CCDC170: variants seen among roughly 807,000 people sequenced by gnomAD.
The protein encoded by CCDC170 is coiled-coil domain-containing protein 170.
In CCDC170, 69 loss-of-function variants were observed where a neutral mutation model predicts 72.6. That is an observed-to-expected ratio of 0.95 (90% confidence interval 0.78 to 1.16). The LOEUF (loss-of-function observed/expected upper bound fraction) is 1.16, where lower values mean the gene tolerates loss of function less well. Ranked by LOEUF, CCDC170 falls within the 50% of genes most tolerant of loss-of-function variation. CCDC170 has a pLI of 0.00. For missense variants in CCDC170, 852 were observed against 832.5 expected, an observed-to-expected ratio of 1.02 and a Z score of -0.29; for synonymous variants, 300 against 303.9, an observed-to-expected ratio of 0.99 and a Z score of 0.13.
chr6:151,587,329 G>A (rs1776468194), intron 7 of CCDC170, among the ~76,000 whole-genome samples: 1 of 152,092 alleles, frequency 6.6e-6, no homozygotes, highest in East Asian at 1.9e-4. Flanking sequence ...AGAGGAAGGG[G>A]AGCGACCTTC....
chr6:151,556,848 T>C (rs1253918050), intron 5 of CCDC170, among the ~76,000 whole-genome samples: 2 of 152,226 alleles, frequency 1.3e-5, no homozygotes, highest in African/African-American at 2.4e-5. Context: ...ACTGTATGCT[T>C]GTATCCATTA....
intron 1 of CCDC170, among the ~76,000 whole-genome samples, chr6:151,518,973 A>G (rs185022045): frequency 9.7e-4 from 148 of 152,360 alleles, no homozygotes; most frequent in African/African-American, 3.4e-3. Context: ...TCACAAGGCA[A>G]AGGGCGAAAT....
chr6:151,599,665 T>G (rs900518423), intron 9 of CCDC170, among the ~76,000 whole-genome samples: 1 of 151,626 alleles, frequency 6.6e-6, no homozygotes, highest in African/African-American at 2.4e-5. Context: ...GAGAGAGAGA[T>G]AGAGAGAGAG....
chr6:151,579,064 C>CT (rs1399059450), intron 6 of CCDC170, among the ~76,000 whole-genome samples: 2 of 151,904 alleles, frequency 1.3e-5, no homozygotes, highest in African/African-American at 4.8e-5. Context: ...AAAAAAATAT[C>CT]TTTTTTGTTT....
intron 7 of CCDC170, among the ~76,000 whole-genome samples, chr6:151,590,053 AC>A (rs1299983677): frequency 1.3e-5 from 2 of 151,352 alleles, no homozygotes; most frequent in Non-Finnish European, 2.9e-5. Context: ...TACCTCCTTC[AC>A]CTGGCAGCAG....
At chr6:151,614,641 T>G (rs192366620) in intron 9 of CCDC170, among the ~76,000 whole-genome samples, 2,256 of 151,632 alleles carry the variant, frequency 0.015, 32 homozygotes, top group Non-Finnish European at 0.023. Context: ...TTTTTTTTTT[T>G]TTTTTGTTAG....
intron 1 of CCDC170, among the ~76,000 whole-genome samples, chr6:151,513,924 A>AC (rs1348827804): frequency 1.4e-5 from 2 of 146,112 alleles, no homozygotes; most frequent in African/African-American, 5.3e-5. Flanking sequence ...TGTCTCAAAA[A>AC]AAAAAAAAAA....
At chr6:151,553,194 C>T (rs1782913554) in intron 5 of CCDC170, among the ~76,000 whole-genome samples, 1 of 152,092 alleles carries the variant, frequency 6.6e-6, no homozygotes, top group Non-Finnish European at 1.5e-5. Context: ...TTACCATTAG[C>T]CCAGTCATTG....
intron 1 of CCDC170, among the ~76,000 whole-genome samples, chr6:151,495,861 C>T (rs1781901860): frequency 6.6e-6 from 1 of 152,096 alleles, no homozygotes; most frequent in Admixed American, 6.5e-5. Context: ...CATTCTCTAA[C>T]GAACATACAA....
intron 4 of CCDC170, 107 bp downstream of exon 4, chr6:151,544,823 G>C: frequency 9.7e-7 from 1 of 1,035,286 alleles, no homozygotes; most frequent in Non-Finnish European, 1.4e-6. Context: ...GAATGGCACA[G>C]TAGACCAAGT....
At chr6:151,540,627 T>C (rs914652076) in intron 3 of CCDC170, among the ~76,000 whole-genome samples, 2 of 151,882 alleles carry the variant, frequency 1.3e-5, no homozygotes, top group Non-Finnish European at 2.9e-5. Context: ...CTTCAAGTGA[T>C]CTGTCTGCCT....
intron 9 of CCDC170, 37 bp from the exon 10 acceptor site, chr6:151,615,406 T>A: frequency 2.1e-6 from 3 of 1,414,974 alleles, no homozygotes; most frequent in Non-Finnish European, 3.0e-6. Context: ...CCTAACTAAA[T>A]ACAAAAGGAG....
At chr6:151,607,745 T>C (rs1776808429) in intron 9 of CCDC170, among the ~76,000 whole-genome samples, 1 of 152,198 alleles carries the variant, frequency 6.6e-6, no homozygotes, top group Non-Finnish European at 1.5e-5. Flanking sequence ...CTTTATGCTT[T>C]TCTTTTGCTG....
At chr6:151,581,360 A>G (rs1776377023) in intron 6 of CCDC170, among the ~76,000 whole-genome samples, 1 of 152,206 alleles carries the variant, frequency 6.6e-6, no homozygotes, top group Non-Finnish European at 1.5e-5. Context: ...CTTCACTAGG[A>G]GTAAATTTCA....
intron 4 of CCDC170, 37 bp downstream of exon 4, chr6:151,544,753 T>G (rs1433877493): frequency 1.3e-6 from 2 of 1,573,074 alleles, no homozygotes; most frequent in Non-Finnish European, 1.7e-6. Context: ...ATAAATGTAG[T>G]GGTGATTCTG....
chr6:151,504,358 C>T (rs1326368846), intron 1 of CCDC170, among the ~76,000 whole-genome samples: 2 of 152,048 alleles, frequency 1.3e-5, no homozygotes, highest in South Asian at 4.2e-4. Flanking sequence ...GGCATTGTTT[C>T]ACTCCAACTA....
At chr6:151,519,179 T>A (rs1005860958) in intron 1 of CCDC170, among the ~76,000 whole-genome samples, 1 of 152,132 alleles carries the variant, frequency 6.6e-6, no homozygotes, top group Non-Finnish European at 1.5e-5. Context: ...TTATCTCAAC[T>A]GCATAAGACA....
intron 3 of CCDC170, among the ~76,000 whole-genome samples, chr6:151,543,131 G>A (rs1208473913): frequency 6.6e-6 from 1 of 151,988 alleles, no homozygotes; most frequent in Admixed American, 6.6e-5. Context: ...ATTCTAATTT[G>A]CCTTTAAAGT....
intron 1 of CCDC170, among the ~76,000 whole-genome samples, chr6:151,517,322 G>T: frequency 6.6e-6 from 1 of 152,110 alleles, no homozygotes; most frequent in Non-Finnish European, 1.5e-5. Flanking sequence ...ACAAGAGTGA[G>T]ACTGTGTCTC....
Sources: gnomAD v4.1 joint callset for allele counts (sites outside exome capture counted in the v4.1 genomes callset) on GRCh38, gnomAD v4.1.1 for gene constraint, MANE v1.5 for transcripts, NCBI Gene and HGNC (gene_info 2026-07-23, HGNC 2026-07-21) for gene names.